Variants in RGS17 observed in about 807,000 individuals in gnomAD.
RGS17 encodes regulator of G-protein signaling 17.
Under a neutral mutation model 25.5 loss-of-function variants are expected in RGS17, and 12 were observed. The ratio of observed to expected loss-of-function variants is 0.47; its 90% CI spans 0.30 to 0.76. RGS17 has a LOEUF of 0.76. Ranked by LOEUF, RGS17 falls within the 30% of genes least tolerant of loss-of-function variation. The pLI, the probability that RGS17 is intolerant of heterozygous loss-of-function variation, is 0.07. For missense variants in RGS17, 196 were observed against 242.2 expected, an observed-to-expected ratio of 0.81 and a Z score of 1.27; for synonymous variants, 71 against 76.9, an observed-to-expected ratio of 0.92 and a Z score of 0.40.
chr6:153,100,231 A>G (rs1239069817), intron 1 of RGS17, among the ~76,000 whole-genome samples: 2 of 152,200 alleles, frequency 1.3e-5, no homozygotes, highest in African/African-American at 4.8e-5. Context: ...TTATGTGCAC[A>G]TACTGCCACG....
chr6:153,082,316 C>T (rs1409491854), intron 1 of RGS17, among the ~76,000 whole-genome samples: 1 of 152,142 alleles, frequency 6.6e-6, no homozygotes, highest in Non-Finnish European at 1.5e-5. Context: ...GCACTGCTCC[C>T]TTCCAAATTC....
chr6:153,025,180 G>A (rs1779286221), intron 3 of RGS17, among the ~76,000 whole-genome samples: 1 of 151,882 alleles, frequency 6.6e-6, no homozygotes, highest in South Asian at 2.1e-4. Flanking sequence ...TGGGTGTGCT[G>A]GCATGTGCCT....
At chr6:153,037,735 A>G (rs1562317223) in intron 2 of RGS17, among the ~76,000 whole-genome samples, 1 of 152,112 alleles carries the variant, frequency 6.6e-6, no homozygotes, top group Admixed American at 6.5e-5. Flanking sequence ...ATTTTTTGCT[A>G]TTTTAATGCA....
intron 1 of RGS17, among the ~76,000 whole-genome samples, chr6:153,070,674 TG>T (rs1372981342): frequency 1.5e-3 from 5 of 3,376 alleles, no homozygotes; most frequent in African/African-American, 8.7e-3. Context: ...CATGGAAGAT[TG>T]TGTGTGTGTG....
chr6:153,033,888 A>G (rs1776190308), intron 2 of RGS17, among the ~76,000 whole-genome samples: 1 of 152,186 alleles, frequency 6.6e-6, no homozygotes, highest in South Asian at 2.1e-4. Context: ...CCTTAATGGG[A>G]AAGCAAATAT....
intron 1 of RGS17, among the ~76,000 whole-genome samples, chr6:153,094,209 G>A (rs556996046): frequency 8.4e-4 from 128 of 151,794 alleles, no homozygotes; most frequent in Non-Finnish European, 1.2e-3. Flanking sequence ...CTGGGTAGCC[G>A]GGACCACAGG....
At chr6:153,023,658 T>C (rs1763013396) in intron 4 of RGS17, among the ~76,000 whole-genome samples, 1 of 152,218 alleles carries the variant, frequency 6.6e-6, no homozygotes, top group Non-Finnish European at 1.5e-5. Flanking sequence ...TAATATAATT[T>C]CCATTTCCCA....
At chr6:153,093,087 G>A (rs1584153532) in intron 1 of RGS17, among the ~76,000 whole-genome samples, 1 of 152,132 alleles carries the variant, frequency 6.6e-6, no homozygotes, top group Non-Finnish European at 1.5e-5. Flanking sequence ...TGCCAACCAA[G>A]TATTATGTAC....
At chr6:153,052,573 G>A (rs979918996) in intron 1 of RGS17, among the ~76,000 whole-genome samples, 7 of 151,812 alleles carry the variant, frequency 4.6e-5, no homozygotes, top group Admixed American at 2.6e-4. Context: ...AGCTGGAGAG[G>A]AGTTCTGTCT....
intron 1 of RGS17, among the ~76,000 whole-genome samples, chr6:153,071,612 T>C (rs907969977): frequency 3.9e-5 from 6 of 152,182 alleles, no homozygotes; most frequent in African/African-American, 1.4e-4. Flanking sequence ...GACATAAAAC[T>C]GCTGTGTCAA....
intron 1 of RGS17, among the ~76,000 whole-genome samples, chr6:153,083,000 T>C (rs113445863): frequency 0.016 from 2,482 of 152,284 alleles, 31 homozygotes; most frequent in South Asian, 0.038. Flanking sequence ...TCTGAATGGC[T>C]TTCTGCCTAC....
At chr6:153,015,025 G>T (rs932988893) in intron 4 of RGS17, among the ~76,000 whole-genome samples, 127 of 152,290 alleles carry the variant, frequency 8.3e-4, no homozygotes, top group African/African-American at 3.0e-3. Flanking sequence ...CAAGACTTCA[G>T]TGGAGGAACT....
At chr6:153,050,765 T>C (rs1454729461) in intron 1 of RGS17, among the ~76,000 whole-genome samples, 1 of 152,258 alleles carries the variant, frequency 6.6e-6, no homozygotes, top group East Asian at 1.9e-4. Context: ...AATTACAGTA[T>C]ATTTAACACC....
Position 153,006,686 on chromosome 6 carries a change from C to T in RGS17, c.*4888G>A, listed in dbSNP as rs1226686779. ...ACAAGTATACAATAACAATTATTGA[C>T]GTGATGCACTTTGATAAAATAATAA... On this transcript the variant is annotated 3_prime_UTR_variant, in exon 5 of 5. Coordinates refer to ENST00000206262, the MANE Select transcript of RGS17 (RefSeq NM_012419.5). 2 of 152,142 alleles carry T rather than the reference C, an allele frequency of 1.3e-5. No homozygotes were observed. Among genetic ancestry groups the T allele is most frequent in the South Asian group, 2.1e-4 (1 of 4,828 alleles). 9.4% of individuals were successfully genotyped at this position (152,142 alleles called of 1,614,324 possible).
At chr6:153,113,954 C>T (rs775426986) in intron 1 of RGS17, among the ~76,000 whole-genome samples, 8 of 152,120 alleles carry the variant, frequency 5.3e-5, no homozygotes, top group Non-Finnish European at 1.2e-4. Context: ...ATTTATAGCA[C>T]TAAAATGCCC....
intron 1 of RGS17, among the ~76,000 whole-genome samples, chr6:153,117,519 T>G (rs1038413669): frequency 6.6e-6 from 1 of 152,218 alleles, no homozygotes; most frequent in African/African-American, 2.4e-5. Context: ...CTTTGTACTC[T>G]TCCCACTTAG....
chr6:153,080,702 T>C (rs1484334885), intron 1 of RGS17, among the ~76,000 whole-genome samples: 1 of 152,152 alleles, frequency 6.6e-6, no homozygotes, highest in African/African-American at 2.4e-5. Flanking sequence ...TTGAGTTCTT[T>C]CTTCCTTACT....
At chr6:153,101,280 C>A (rs534356228) in intron 1 of RGS17, among the ~76,000 whole-genome samples, 2 of 152,186 alleles carry the variant, frequency 1.3e-5, no homozygotes, top group East Asian at 3.9e-4. Flanking sequence ...AAGTGACCTG[C>A]AAGTACAGTA....
intron 1 of RGS17, among the ~76,000 whole-genome samples, chr6:153,080,988 G>T (rs572786095): frequency 6.6e-6 from 1 of 151,734 alleles, no homozygotes; most frequent in Admixed American, 6.6e-5. Flanking sequence ...CTTAAATTTA[G>T]ATTTTTTTAA....
Sources: allele counts gnomAD v4.1 joint callset (sites outside exome capture counted in the v4.1 genomes callset), GRCh38; gene constraint gnomAD v4.1.1; transcripts MANE v1.5; gene names NCBI Gene and HGNC (gene_info 2026-07-23, HGNC 2026-07-21).